The following HS3ST4 variants were observed in gnomAD, a reference collection of about 807,000 sequenced individuals.
HS3ST4 encodes heparan sulfate glucosamine 3-O-sulfotransferase 4.
In HS3ST4, 17 loss-of-function variants were observed where a neutral mutation model predicts 29.2. The ratio of observed to expected loss-of-function variants is 0.58; its 90% CI spans 0.40 to 0.87. The LOEUF (loss-of-function observed/expected upper bound fraction) is 0.87, where lower values mean the gene tolerates loss of function less well. Ranked by LOEUF, HS3ST4 falls within the 40% of genes least tolerant of loss-of-function variation. The probability of loss-of-function intolerance (pLI) is 0.00; values close to 1 mark genes in which losing one functional copy is unlikely to be tolerated. For synonymous variants in HS3ST4, 314 were observed against 285.7 expected (o/e 1.10, Z -1.00); for missense variants, 627 against 634.5 (o/e 0.99, Z 0.13).
rs117478974 is a variant in HS3ST4, at chr16:25,983,360, A to G, written c.735-152252A>G. On this transcript the variant is annotated intron_variant, in intron 1 of 1. Coordinates refer to ENST00000331351, the MANE Select transcript of HS3ST4 (RefSeq NM_006040.3). ...ATAAAATGAAAATAATAACACCTACATCTCAGGATTTTTGTGTGGACATCA... is the reference window on the plus strand; with the variant it reads ...ATAAAATGAAAATAATAACACCTACGTCTCAGGATTTTTGTGTGGACATCA... Among the ~76,000 whole-genome samples the G allele has an allele frequency of 7.1e-3, 1,082 of 152,256 alleles. 5 individuals are homozygous for G. The highest frequency in any genetic ancestry group is 0.013 in the Non-Finnish European group (902 of 68,020).
chr16:25,978,798 C>A (rs1231799203), intron 1 of HS3ST4, among the ~76,000 whole-genome samples: 1 of 152,120 alleles, frequency 6.6e-6, no homozygotes, highest in Non-Finnish European at 1.5e-5. Flanking sequence ...GGCAGAAAAA[C>A]CATAGCAAGG....
chr16:25,935,648 C>T (rs1338752890), intron 1 of HS3ST4, among the ~76,000 whole-genome samples: 1 of 152,298 alleles, frequency 6.6e-6, no homozygotes, highest in South Asian at 2.1e-4. Flanking sequence ...GGCTTGATCA[C>T]TCATTCCTTT....
chr16:25,845,908 T>C (rs1259324751), intron 1 of HS3ST4, among the ~76,000 whole-genome samples: 2 of 152,224 alleles, frequency 1.3e-5, no homozygotes, highest in Non-Finnish European at 2.9e-5. Flanking sequence ...CATTTTTCTA[T>C]TGGGTTGTTT....
At chr16:26,052,931 A>G (rs888331766) in intron 1 of HS3ST4, among the ~76,000 whole-genome samples, 1 of 152,180 alleles carries the variant, frequency 6.6e-6, no homozygotes, top group Non-Finnish European at 1.5e-5. Context: ...TGCTTTGTCT[A>G]GTGTCTTTAA....
intron 1 of HS3ST4, among the ~76,000 whole-genome samples, chr16:25,982,704 C>T (rs966154584): frequency 1.3e-5 from 2 of 151,942 alleles, no homozygotes; most frequent in African/African-American, 4.8e-5. Flanking sequence ...GTGGTGTGTG[C>T]CTGTAGTCCT....
intron 1 of HS3ST4, among the ~76,000 whole-genome samples, chr16:25,998,252 G>T (rs753810191): frequency 6.6e-6 from 1 of 152,124 alleles, no homozygotes; most frequent in African/African-American, 2.4e-5. Context: ...CTGCACTCCA[G>T]CCTGGGCAAC....
chr16:25,845,686 G>A (rs1044588288), intron 1 of HS3ST4, among the ~76,000 whole-genome samples: 6 of 108,296 alleles, frequency 5.5e-5, no homozygotes, highest in African/African-American at 2.1e-4. Flanking sequence ...AATAATAATA[G>A]AATTCCCTAC....
intron 1 of HS3ST4, among the ~76,000 whole-genome samples, chr16:25,736,920 C>T (rs918097411): frequency 2.0e-5 from 3 of 152,088 alleles, no homozygotes; most frequent in Non-Finnish European, 4.4e-5. Flanking sequence ...GTGATCTCGG[C>T]TCACTGCAAC....
chr16:25,788,075 A>G (rs1966860204), intron 1 of HS3ST4, among the ~76,000 whole-genome samples: 1 of 152,178 alleles, frequency 6.6e-6, no homozygotes, highest in South Asian at 2.1e-4. Flanking sequence ...TTGGCTTGCA[A>G]AGTTGAAAAG....
chr16:26,051,904 CCCTCCCTCCCTTCCTT>C (rs1201413731), intron 1 of HS3ST4, among the ~76,000 whole-genome samples: 18 of 123,624 alleles, frequency 1.5e-4, no homozygotes, highest in African/African-American at 5.4e-4. Flanking sequence ...CTCCCTCCCT[CCCTCCCTCCCTTCCTT>C]CCTTCCTTCC....
At chr16:26,119,638 G>A (rs571933490) in intron 1 of HS3ST4, among the ~76,000 whole-genome samples, 87 of 152,180 alleles carry the variant, frequency 5.7e-4, no homozygotes, top group African/African-American at 2.1e-3. Context: ...GCCTCAATTT[G>A]GGCACATTTT....
chr16:25,792,457 A>G (rs1309832851), intron 1 of HS3ST4, among the ~76,000 whole-genome samples: 1 of 151,894 alleles, frequency 6.6e-6, no homozygotes, highest in East Asian at 1.9e-4. Context: ...GGCAGTTTTT[A>G]TTTACATGTA....
chr16:25,708,407 G>GT (rs1390127330), intron 1 of HS3ST4, among the ~76,000 whole-genome samples: 1 of 152,130 alleles, frequency 6.6e-6, no homozygotes, highest in East Asian at 1.9e-4. Flanking sequence ...TTGTGTATTT[G>GT]TTTTTTCTCT....
At chr16:25,985,713 G>A (rs116237620) in intron 1 of HS3ST4, among the ~76,000 whole-genome samples, 3,103 of 150,810 alleles carry the variant, frequency 0.021, 123 homozygotes, top group African/African-American at 0.073. Flanking sequence ...TTTAGCGACA[G>A]GGTCTTGCTC....
chr16:25,851,341 T>C (rs560338102), intron 1 of HS3ST4, among the ~76,000 whole-genome samples: 82 of 152,336 alleles, frequency 5.4e-4, no homozygotes, highest in African/African-American at 1.9e-3. Context: ...CTGTTTCCAG[T>C]CGTTCCCATC....
intron 1 of HS3ST4, among the ~76,000 whole-genome samples, chr16:25,894,686 A>G (rs1443976326): frequency 6.6e-6 from 1 of 151,708 alleles, no homozygotes; most frequent in Non-Finnish European, 1.5e-5. Flanking sequence ...TTGTATTTTT[A>G]ATAGAGACAG....
intron 1 of HS3ST4, among the ~76,000 whole-genome samples, chr16:26,050,880 A>G (rs1898333551): frequency 6.6e-6 from 1 of 152,190 alleles, no homozygotes. Flanking sequence ...CCAGAAGCAT[A>G]TGAAAGATAG....
intron 1 of HS3ST4, among the ~76,000 whole-genome samples, chr16:25,860,723 G>T (rs1325166064): frequency 6.6e-6 from 1 of 152,128 alleles, no homozygotes; most frequent in East Asian, 1.9e-4. Flanking sequence ...GATAGGGAGG[G>T]TTGAATAGGT....
intron 1 of HS3ST4, among the ~76,000 whole-genome samples, chr16:25,993,532 T>TC (rs1969131270): frequency 6.6e-6 from 1 of 152,024 alleles, no homozygotes. Context: ...AAGACTGGAA[T>TC]TCCTATCTAA....
Sources: allele counts gnomAD v4.1 joint callset (sites outside exome capture counted in the v4.1 genomes callset), GRCh38; gene constraint gnomAD v4.1.1; transcripts MANE v1.5; gene names NCBI Gene and HGNC (gene_info 2026-07-23, HGNC 2026-07-21).